Variants in SACS observed in about 807,000 individuals in gnomAD.
SACS encodes sacsin.
In SACS, 197 loss-of-function variants were observed where a neutral mutation model predicts 348.0. The ratio of observed to expected loss-of-function variants is 0.57; its 90% CI spans 0.50 to 0.64. The LOEUF (loss-of-function observed/expected upper bound fraction) is 0.64. Ranked by LOEUF, SACS falls within the 30% of genes least tolerant of loss-of-function variation. The pLI is 0.00. For synonymous variants in SACS, 1,985 were observed against 1,910.6 expected (o/e 1.04, Z -1.02); for missense variants, 4,999 against 5,360.8 (o/e 0.93, Z 2.11).
intron 2 of SACS, among the ~76,000 whole-genome samples, chr13:23,395,599 C>T (rs190690883): frequency 3.7e-4 from 57 of 152,276 alleles, no homozygotes; most frequent in East Asian, 3.5e-3. Context: ...CTACAATCAC[C>T]GGAATCTTAG....
At chr13:23,389,774 G>C (rs1431507571) in intron 2 of SACS, among the ~76,000 whole-genome samples, 1 of 152,192 alleles carries the variant, frequency 6.6e-6, no homozygotes, top group Non-Finnish European at 1.5e-5. Context: ...TTTGTATTCT[G>C]CATTTAGCCA....
In SACS at chr13:23,368,441, G is replaced by A. The variant is rs1253723091; in HGVS notation, c.306C>T (p.Asp102=). ...TTPPLVDFLK[D]ILRRYPEGGQ... is the part of the protein sequence containing the mutation. Reference sequence around the variant, plus strand: ...CTCCTTCTGGATATCTTCTCAAAATGTCCTTGAGAAAATCAACAAGTGGTG... The same window carrying A: ...CTCCTTCTGGATATCTTCTCAAAATATCCTTGAGAAAATCAACAAGTGGTG... Residue 102 remains aspartate, a synonymous_variant, in exon 5 of 10, where the codon GAC becomes GAT. Transcript: ENST00000382292. 1.2e-6 allele frequency: 2 copies of A among 1,612,960 alleles called. No homozygotes were observed. Among genetic ancestry groups the A allele is most frequent in the South Asian group, 2.2e-5 (2 of 90,822 alleles).
chr13:23,362,213 T>C (rs1301958556), intron 6 of SACS, among the ~76,000 whole-genome samples: 3 of 152,198 alleles, frequency 2.0e-5, no homozygotes, highest in South Asian at 2.1e-4. Flanking sequence ...AGGTGTGTCC[T>C]AGTGCAGCAC....
At chr13:23,422,260 A>G (rs551799062) in intron 1 of SACS, among the ~76,000 whole-genome samples, 5 of 152,362 alleles carry the variant, frequency 3.3e-5, no homozygotes, top group Non-Finnish European at 4.4e-5. Context: ...ATTCAGCCCA[A>G]TAACTAAAAA....
rs772932340 is a variant in SACS at position 23,334,055 on chromosome 13, G to C, written c.9821C>G (p.Thr3274Ser). The change falls in exon 10 of 10, where the codon ACT becomes AGT. Residue 3274 changes from threonine (T) to serine (S), a missense_variant. Transcript: ENST00000382292. ...TKPTFDIVVD[T>S]LKDWALLPGT... ...TGGAAGCAATGCCCAGTCTTTTAGAGTATCAACAACAATGTCAAATGTTGG... is the reference window on the plus strand; with the variant it reads ...TGGAAGCAATGCCCAGTCTTTTAGACTATCAACAACAATGTCAAATGTTGG... 1.1e-5 allele frequency: 17 copies of C among 1,613,682 alleles called. No individual in the cohort carries two copies. In the Admixed American group the frequency reaches 2.7e-4, roughly 25 times the overall value.
chr13:23,402,974 A>G (rs1873045275), intron 2 of SACS, among the ~76,000 whole-genome samples: 2 of 152,162 alleles, frequency 1.3e-5, no homozygotes, highest in Admixed American at 1.3e-4. Context: ...CAGGAGTTCG[A>G]GACCAGCCTG....
intron 2 of SACS, among the ~76,000 whole-genome samples, chr13:23,376,787 C>G (rs1444470589): frequency 6.6e-6 from 1 of 152,226 alleles, no homozygotes; most frequent in Non-Finnish European, 1.5e-5. Flanking sequence ...TGCAGTGACT[C>G]ACATCTGTAA....
rs752943692 is a variant in SACS, at chr13:23,399,019, C to CAAA, written c.20+12198_20+12200dup. On this transcript the variant is annotated intron_variant, in intron 2 of 9. Coordinates refer to ENST00000382292, the MANE Select transcript of SACS (RefSeq NM_014363.6). Reference sequence around the variant, plus strand: ...CTGGTAACAGAGTGAGACTCCATCTCAAAAAAAAAAAAAAAAAACATGGAT... The same window carrying CAAA: ...CTGGTAACAGAGTGAGACTCCATCTCAAAAAAAAAAAAAAAAAAAAACATGGAT... Among the ~76,000 whole-genome samples, 11 of 67,140 alleles carry CAAA rather than the reference C, an allele frequency of 1.6e-4. 1 individual carries two copies. Among genetic ancestry groups the CAAA allele is most frequent in the East Asian group, 1.4e-3 (2 of 1,402 alleles). The allele number at this position is 67,140 out of a possible 152,430, so 44.0% of individuals were successfully genotyped here.
chr13:23,341,137 G>C lies in SACS; in HGVS notation c.2739C>G (p.Ser913Arg). Residue 913 changes from serine to arginine, a missense_variant, in exon 10 of 10, where the codon AGC becomes AGG. By Grantham distance (110) the Ser-to-Arg change is moderately radical. This residue lies in a region of SACS where 3,156 missense variants were observed against 3,380.1 expected (regional missense o/e 0.93). Transcript: ENST00000382292. The stretch of plus-strand genomic sequence containing the variant: ...GAATAATTCTTTTCTCTTTCTCACT[G>C]CTATCGGTTAAACTAGCCAAGAACT... ...LRKFLASLTD[S>R]SEKEKRIIQE... 1 of 1,613,120 alleles carries C rather than the reference G, an allele frequency of 6.2e-7. No homozygotes were observed. The highest frequency in any genetic ancestry group is 1.1e-5 in the South Asian group (1 of 91,066).
In SACS at chr13:23,355,311, T is replaced by C. The variant is rs1300357474; in HGVS notation, c.1301A>G (p.Lys434Arg). ...MPLSSRDDEA[K>R]GATSDFSGKA... Reference sequence around the variant, plus strand: ...TCCTGAGAAATCAGACGTTGCTCCTTTTGCTTCATCATCTCTGCTTGATAA... The same window carrying C: ...TCCTGAGAAATCAGACGTTGCTCCTCTTGCTTCATCATCTCTGCTTGATAA... Residue 434 changes from lysine (K) to arginine (R), a missense_variant, in exon 8 of 10, where the codon AAA becomes AGA. Around this residue, in one of 6 missense-constraint regions of SACS, gnomAD observed 3,156 missense variants for 3,380.1 expected, o/e 0.93. Coordinates refer to ENST00000382292, the MANE Select transcript of SACS (RefSeq NM_014363.6). The C allele has an allele frequency of 5.0e-6, 8 of 1,613,952 alleles. No homozygotes were observed. Among genetic ancestry groups the C allele is most frequent in the Non-Finnish European group, 6.8e-6 (8 of 1,180,032 alleles).
intron 2 of SACS, among the ~76,000 whole-genome samples, chr13:23,385,042 ACGAGGTCAGGAGAT>A (rs1179655054): frequency 1.3e-5 from 2 of 152,084 alleles, no homozygotes; most frequent in African/African-American, 4.8e-5. Flanking sequence ...TAGGCAGATC[ACGAGGTCAGGAGAT>A]CGAGAACATC....
chr13:23,351,423 G>A (rs1869949489), intron 9 of SACS, among the ~76,000 whole-genome samples: 1 of 152,046 alleles, frequency 6.6e-6, no homozygotes, highest in African/African-American at 2.4e-5. Context: ...TCATAGGGGT[G>A]GTGTTCTCGT....
chr13:23,431,696 T>G (rs1217397039), intron 1 of SACS, among the ~76,000 whole-genome samples: 1 of 152,218 alleles, frequency 6.6e-6, no homozygotes. Context: ...TCGGCCTTCC[T>G]TCTTCCAAAG....
chr13:23,399,079 G>C (rs1872842708), intron 2 of SACS, among the ~76,000 whole-genome samples: 1 of 146,950 alleles, frequency 6.8e-6, no homozygotes, highest in Non-Finnish European at 1.5e-5. Context: ...TAGAGCAGGA[G>C]CATCGCCATC....
chr13:23,375,440 C>T (rs1593161344), intron 2 of SACS, 171 bp from the exon 3 acceptor site: 1 of 1,187,832 alleles, frequency 8.4e-7, no homozygotes, highest in Non-Finnish European at 1.0e-6. Flanking sequence ...CGTCCACAGG[C>T]CCCGCGCGGG....
chr13:23,370,041 G>A (rs1019644856), intron 4 of SACS, among the ~76,000 whole-genome samples: 6 of 151,772 alleles, frequency 4.0e-5, no homozygotes, highest in African/African-American at 1.5e-4. Context: ...TCTATTTTTA[G>A]TAGAGACAGG....
intron 1 of SACS, among the ~76,000 whole-genome samples, chr13:23,417,164 A>T (rs1215398767): frequency 6.6e-6 from 1 of 152,232 alleles, no homozygotes; most frequent in Admixed American, 6.5e-5. Context: ...TTTAAGAAGA[A>T]AATCTATGAA....
At position 23,375,268 on chromosome 13, in the gene SACS, A is replaced by C; in HGVS notation, c.22T>G (p.Trp8Gly). 6.8e-7 allele frequency: 1 copy of C among 1,465,930 alleles called. No homozygotes were observed. Among genetic ancestry groups the C allele is most frequent in the South Asian group, 1.4e-5 (1 of 73,950 alleles). 90.8% of individuals were successfully genotyped at this position (1,465,930 alleles called of 1,614,324 possible). A position where few individuals can be genotyped will look rare whatever the true frequency, so the allele number is the denominator to read the frequency against. ...CCGGGGAGCACGGTCACCGGGACCCACCTGTGGAAAGCAGAGGGACGCTCA... is the reference window on the plus strand; with the variant it reads ...CCGGGGAGCACGGTCACCGGGACCCCCCTGTGGAAAGCAGAGGGACGCTCA... METKENR[W>G]VPVTVLPGCV... is the part of the protein sequence containing the mutation. The change falls in exon 3 of 10, where the codon TGG (tryptophan) becomes GGG (glycine). Residue 8 changes from tryptophan to glycine, a missense_variant and splice_region_variant. Physicochemically the swap from Trp to Gly is radical, Grantham distance 184. This residue lies in a region of SACS where 3,156 missense variants were observed against 3,380.1 expected (regional missense o/e 0.93). Transcript: ENST00000382292.
chr13:23,423,493 AG>A (rs1348164314), intron 1 of SACS, among the ~76,000 whole-genome samples: 1 of 152,194 alleles, frequency 6.6e-6, no homozygotes, highest in East Asian at 1.9e-4. Flanking sequence ...GAATGGAACA[AG>A]CATTTCTGTT....
Sources: gnomAD v4.1 joint callset for allele counts (sites outside exome capture counted in the v4.1 genomes callset) on GRCh38, gnomAD v4.1.1 for gene constraint, gnomAD v4.1.1 regional missense constraint, MANE v1.5 for transcripts, NCBI Gene and HGNC (gene_info 2026-07-23, HGNC 2026-07-21) for gene names.